The following USP34 variants were observed in gnomAD, a reference collection of about 807,000 sequenced individuals.
The protein encoded by USP34 is ubiquitin carboxyl-terminal hydrolase 34.
USP34 carries 70 observed loss-of-function variants against 460.3 expected under a neutral mutation model. The observed-to-expected ratio is 0.15, with a 90% CI of 0.13 to 0.19. USP34 has a LOEUF of 0.19. Ranked by LOEUF, USP34 falls within the 10% of genes least tolerant of loss-of-function variation. The pLI is 1.00. For synonymous variants in USP34, 1,647 were observed against 1,405.3 expected (o/e 1.17, Z -3.85); for missense variants, 3,985 against 4,236.2 (o/e 0.94, Z 1.65).
chr2:61,217,519 G>A (rs1309831030), intron 67 of USP34, among the ~76,000 whole-genome samples: 1 of 152,044 alleles, frequency 6.6e-6, no homozygotes. Flanking sequence ...TTACTACATA[G>A]TCTTCACTAC....
intron 3 of USP34, among the ~76,000 whole-genome samples, chr2:61,397,729 T>C (rs1413477866): frequency 1.3e-5 from 2 of 151,932 alleles, no homozygotes; most frequent in East Asian, 2.0e-4. Context: ...TGAAACCCCA[T>C]CTCTATTAAA....
chr2:61,278,326 A>C (rs2103950558), intron 40 of USP34, 41 bp from the exon 41 acceptor site: 4 of 1,610,170 alleles, frequency 2.5e-6, no homozygotes, highest in Middle Eastern at 1.7e-4. Context: ...AAGATAGTTC[A>C]CATAATTATG....
intron 75 of USP34, among the ~76,000 whole-genome samples, chr2:61,193,628 T>C (rs141264735): frequency 7.9e-5 from 12 of 152,326 alleles, no homozygotes; most frequent in African/African-American, 2.9e-4. Flanking sequence ...TGTGTGCCCC[T>C]ATCCTCTGTC....
Position 61,196,159 on chromosome 2 carries a change from C to T in USP34, c.9509-3179G>A, listed in dbSNP as rs1686801131. Among the ~76,000 whole-genome samples the T allele has an allele frequency of 2.8e-5, 4 of 144,816 alleles. No homozygotes were observed. In the South Asian group the frequency reaches 8.9e-4, roughly 32 times the overall value. On this transcript the variant is annotated intron_variant, in intron 75 of 79. Coordinates refer to ENST00000398571, the MANE Select transcript of USP34 (RefSeq NM_014709.4). Reference sequence around the variant, plus strand: ...GCAGTGGCGCGATCTCGGCTCACTGCAGCCTCCACCTCCCGGGTTCATGCC... The same window carrying T: ...GCAGTGGCGCGATCTCGGCTCACTGTAGCCTCCACCTCCCGGGTTCATGCC...
intron 53 of USP34, among the ~76,000 whole-genome samples, chr2:61,239,351 C>G (rs887122192): frequency 4.2e-5 from 6 of 143,138 alleles, no homozygotes; most frequent in African/African-American, 1.0e-4. Flanking sequence ...CACACACACA[C>G]AGAAGTTTGA....
intron 2 of USP34, chr2:61,417,095 T>G: frequency 6.8e-7 from 1 of 1,468,700 alleles, no homozygotes; most frequent in Non-Finnish European, 9.4e-7. Flanking sequence ...ACATGCGCCT[T>G]GTTCTGCAGC....
At chr2:61,469,418 C>A (rs1385901677) in intron 1 of USP34, among the ~76,000 whole-genome samples, 1 of 152,122 alleles carries the variant, frequency 6.6e-6, no homozygotes, top group African/African-American at 2.4e-5. Flanking sequence ...AAAATACACA[C>A]AAATAATCTT....
intron 1 of USP34, among the ~76,000 whole-genome samples, chr2:61,428,491 T>C (rs1289412792): frequency 6.6e-6 from 1 of 152,154 alleles, no homozygotes; most frequent in Non-Finnish European, 1.5e-5. Context: ...GCTTGCTAAC[T>C]ATGACATTAA....
chr2:61,238,468 G>T (rs1688136823), intron 53 of USP34, among the ~76,000 whole-genome samples: 1 of 152,072 alleles, frequency 6.6e-6, no homozygotes, highest in Non-Finnish European at 1.5e-5. Context: ...CACTTTCTGA[G>T]AACTGTTACC....
At chr2:61,379,193 T>G (rs1382105883) in intron 7 of USP34, among the ~76,000 whole-genome samples, 1 of 152,180 alleles carries the variant, frequency 6.6e-6, no homozygotes, top group Non-Finnish European at 1.5e-5. Context: ...ACATTTTCAG[T>G]GTGACTACAC....
At chr2:61,279,274 GTA>G (rs907074293) in intron 39 of USP34, among the ~76,000 whole-genome samples, 38 of 152,246 alleles carry the variant, frequency 2.5e-4, no homozygotes, top group African/African-American at 8.7e-4. Flanking sequence ...ACTTTTAAAT[GTA>G]AAGTGAACAT....
intron 6 of USP34, among the ~76,000 whole-genome samples, chr2:61,383,036 C>A (rs1468246373): frequency 1.3e-5 from 2 of 152,132 alleles, no homozygotes; most frequent in Admixed American, 6.5e-5. Context: ...TTATTAATCT[C>A]TTTAATTCTT....
At chr2:61,448,876 C>G (rs144415214) in intron 1 of USP34, among the ~76,000 whole-genome samples, 2 of 152,244 alleles carry the variant, frequency 1.3e-5, no homozygotes, top group Admixed American at 1.3e-4. Flanking sequence ...GGCCAGAGGC[C>G]GGATACAGTG....
intron 1 of USP34, among the ~76,000 whole-genome samples, chr2:61,440,978 A>C (rs1443762154): frequency 6.6e-6 from 1 of 151,788 alleles, no homozygotes; most frequent in Non-Finnish European, 1.5e-5. Context: ...ATACAAAAAA[A>C]TTAGCTGGGC....
At chr2:61,203,117 T>G (rs775092866) in intron 75 of USP34, 23 bp downstream of exon 75, 2 of 1,534,640 alleles carry the variant, frequency 1.3e-6, no homozygotes, top group African/African-American at 2.8e-5. Flanking sequence ...CAGTGGAATT[T>G]ACTGCTCATC....
chr2:61,464,209 C>T (rs1364943065), intron 1 of USP34, among the ~76,000 whole-genome samples: 2 of 152,086 alleles, frequency 1.3e-5, no homozygotes, highest in Non-Finnish European at 2.9e-5. Context: ...ATTCCAGCTA[C>T]TCAGGAGGAT....
At chr2:61,364,372 G>T (rs1454614277) in intron 10 of USP34, among the ~76,000 whole-genome samples, 1 of 152,014 alleles carries the variant, frequency 6.6e-6, no homozygotes, top group African/African-American at 2.4e-5. Flanking sequence ...CTCCAAAAAA[G>T]GAATGTAAAA....
At chr2:61,352,146 C>T (rs1294260122) in intron 10 of USP34, among the ~76,000 whole-genome samples, 1 of 152,104 alleles carries the variant, frequency 6.6e-6, no homozygotes, top group East Asian at 1.9e-4. Flanking sequence ...CTTCTTTGAG[C>T]ACCATGTTGG....
At chr2:61,367,699 T>C (rs1181444677) in intron 10 of USP34, among the ~76,000 whole-genome samples, 2 of 152,056 alleles carry the variant, frequency 1.3e-5, no homozygotes, top group African/African-American at 4.8e-5. Flanking sequence ...CAATTTATAA[T>C]AGCAATAAAA....
Sources: gnomAD v4.1 joint callset for allele counts (sites outside exome capture counted in the v4.1 genomes callset) on GRCh38, gnomAD v4.1.1 for gene constraint, MANE v1.5 for transcripts, NCBI Gene and HGNC (gene_info 2026-07-23, HGNC 2026-07-21) for gene names.